NINJ2: variants seen among roughly 807,000 people sequenced by gnomAD.
The protein encoded by NINJ2 is ninjurin 2.
Under a neutral mutation model 11.7 loss-of-function variants are expected in NINJ2, and 12 were observed. The ratio of observed to expected loss-of-function variants is 1.02; its 90% CI spans 0.66 to 1.66. The LOEUF (loss-of-function observed/expected upper bound fraction) is 1.66, where lower values mean the gene tolerates loss of function less well. Ranked by LOEUF, NINJ2 falls within the 40% of genes most tolerant of loss-of-function variation. The pLI, the probability that NINJ2 is intolerant of heterozygous loss-of-function variation, is 0.00. For synonymous variants in NINJ2, 93 were observed against 76.8 expected (o/e 1.21, Z -1.10); for missense variants, 187 against 181.8 (o/e 1.03, Z -0.16).
chr12:648,773 A>G (rs991841997), intron 1 of NINJ2, among the ~76,000 whole-genome samples: 1 of 152,054 alleles, frequency 6.6e-6, no homozygotes, highest in Admixed American at 6.6e-5. Flanking sequence ...TACCATTACA[A>G]TCCTATTTCT....
intron 1 of NINJ2, among the ~76,000 whole-genome samples, chr12:567,271 A>T (rs984718240): frequency 6.6e-6 from 1 of 151,512 alleles, no homozygotes; most frequent in East Asian, 1.9e-4. Context: ...GCCTGGAGGT[A>T]GGGAAGATGA....
chr12:620,447 A>T (rs1948138860), intron 1 of NINJ2, among the ~76,000 whole-genome samples: 1 of 152,274 alleles, frequency 6.6e-6, no homozygotes, highest in Admixed American at 6.5e-5. Flanking sequence ...CGTCTCACAC[A>T]TAAAGCCTGT....
chr12:570,941 G>T (rs994853250), intron 1 of NINJ2, among the ~76,000 whole-genome samples: 1 of 152,230 alleles, frequency 6.6e-6, no homozygotes, highest in African/African-American at 2.4e-5. Context: ...ATGGACAGCA[G>T]AACGACACTT....
At chr12:632,843 GC>G (rs1282874914) in intron 1 of NINJ2, among the ~76,000 whole-genome samples, 2 of 152,192 alleles carry the variant, frequency 1.3e-5, no homozygotes, top group African/African-American at 4.8e-5. Context: ...TGAAGTTATA[GC>G]CCTTTCTGGA....
intron 1 of NINJ2, among the ~76,000 whole-genome samples, chr12:569,810 T>C (rs1474684965): frequency 6.6e-6 from 1 of 152,222 alleles, no homozygotes; most frequent in Non-Finnish European, 1.5e-5. Flanking sequence ...GCTCGCAGTG[T>C]GCTTAGGGGG....
intron 1 of NINJ2, among the ~76,000 whole-genome samples, chr12:584,735 G>A (rs1210465251): frequency 1.3e-5 from 2 of 152,132 alleles, no homozygotes; most frequent in Non-Finnish European, 2.9e-5. Context: ...GAACCCGGGA[G>A]GTGGAGGTTG....
At chr12:647,864 G>A (rs1364062720) in intron 1 of NINJ2, among the ~76,000 whole-genome samples, 2 of 152,196 alleles carry the variant, frequency 1.3e-5, no homozygotes, top group African/African-American at 4.8e-5. Flanking sequence ...AAACCACTGA[G>A]TTCGAGTATA....
At chr12:608,688 C>G (rs2120931559) in intron 1 of NINJ2, among the ~76,000 whole-genome samples, 1 of 151,712 alleles carries the variant, frequency 6.6e-6, no homozygotes, top group African/African-American at 2.4e-5. Flanking sequence ...TCAGCCCTCA[C>G]TAGCTAGCTG....
chr12:584,608 T>C (rs919374500), intron 1 of NINJ2, among the ~76,000 whole-genome samples: 2 of 150,976 alleles, frequency 1.3e-5, no homozygotes, highest in Non-Finnish European at 3.0e-5. Context: ...GAGTTTGAGA[T>C]CAGCCTGGCC....
chr12:630,698 T>C (rs1948269514), intron 1 of NINJ2, among the ~76,000 whole-genome samples: 1 of 152,296 alleles, frequency 6.6e-6, no homozygotes, highest in Middle Eastern at 3.4e-3. Context: ...ATACAGCCTG[T>C]ATAATGCAAA....
Position 566,162 on chromosome 12 carries a change from G to GGGTC in NINJ2, c.46_49dup (p.Pro17ArgfsTer79). On this transcript the variant is annotated frameshift_variant, in exon 2 of 4. Transcript: ENST00000305108. LOFTEE classifies it high-confidence loss of function. ...GTTCAGGTTGATGGGCTGGCTCCTG[G>GGGTC]GGTCGGAGCTTCCAGGCTGTAGGGG... is the stretch of plus-strand genomic sequence containing the variant. The GGGTC allele has an allele frequency of 6.2e-7, 1 of 1,613,678 alleles. No homozygotes were observed. The highest frequency in any genetic ancestry group is 8.5e-7 in the Non-Finnish European group (1 of 1,179,732).
intron 1 of NINJ2, chr12:586,081 C>T (rs1426877201): frequency 6.6e-6 from 1 of 151,942 alleles, no homozygotes. Context: ...TGGGGCCCCT[C>T]GTTCAAGTTG....
At chr12:575,225 T>C (rs965233767) in intron 1 of NINJ2, among the ~76,000 whole-genome samples, 4 of 152,192 alleles carry the variant, frequency 2.6e-5, no homozygotes, top group Non-Finnish European at 4.4e-5. Flanking sequence ...CCCACCTGCA[T>C]TGGGTCTCCA....
At chr12:608,886 A>G (rs1947975200) in intron 1 of NINJ2, among the ~76,000 whole-genome samples, 1 of 152,264 alleles carries the variant, frequency 6.6e-6, no homozygotes, top group South Asian at 2.1e-4. Context: ...ACCTGAGGCA[A>G]GTCACTGTCC....
chr12:596,097 G>A (rs764192563), intron 1 of NINJ2, among the ~76,000 whole-genome samples: 4 of 152,118 alleles, frequency 2.6e-5, no homozygotes, highest in Non-Finnish European at 5.9e-5. Flanking sequence ...AACACAGTTC[G>A]GCAATTTCTT....
chr12:595,150 A>G (rs974268895), intron 1 of NINJ2, among the ~76,000 whole-genome samples: 2 of 152,188 alleles, frequency 1.3e-5, no homozygotes, highest in Admixed American at 1.3e-4. Context: ...GAAAAAAAAA[A>G]GAATCTAGAC....
At chr12:637,062 A>T (rs1457049752) in intron 1 of NINJ2, among the ~76,000 whole-genome samples, 1 of 152,224 alleles carries the variant, frequency 6.6e-6, no homozygotes, top group Non-Finnish European at 1.5e-5. Flanking sequence ...GAAAGGAAGG[A>T]AATTCTGGCC....
At chr12:584,860 C>T (rs1947610065) in intron 1 of NINJ2, among the ~76,000 whole-genome samples, 1 of 151,810 alleles carries the variant, frequency 6.6e-6, no homozygotes, top group African/African-American at 2.4e-5. Context: ...TAGGGGCGCG[C>T]TCACACCCGT....
intron 1 of NINJ2, among the ~76,000 whole-genome samples, chr12:655,309 G>T (rs1471397575): frequency 6.6e-6 from 1 of 152,212 alleles, no homozygotes; most frequent in Non-Finnish European, 1.5e-5. Context: ...TACAGATTGG[G>T]AGTGAAGAAA....
Sources: gnomAD v4.1 joint callset for allele counts (sites outside exome capture counted in the v4.1 genomes callset) on GRCh38, gnomAD v4.1.1 for gene constraint, MANE v1.5 for transcripts, NCBI Gene and HGNC (gene_info 2026-07-23, HGNC 2026-07-21) for gene names.